The following SYNJ2BP variants were observed in gnomAD, a reference collection of about 807,000 sequenced individuals.
SYNJ2BP encodes the protein synaptojanin 2 binding protein.
In SYNJ2BP, 10 loss-of-function variants were observed where a neutral mutation model predicts 16.9. That is an observed-to-expected ratio of 0.59 (90% confidence interval 0.36 to 1.00). SYNJ2BP has a LOEUF of 1.00. SYNJ2BP is among the 50% of genes least tolerant of loss of function. The pLI, the probability that SYNJ2BP is intolerant of heterozygous loss-of-function variation, is 0.01. For synonymous variants in SYNJ2BP, 54 were observed against 68.4 expected, an observed-to-expected ratio of 0.79 and a Z score of 1.04; for missense variants, 162 against 186.7, an observed-to-expected ratio of 0.87 and a Z score of 0.77.
chr14:70,368,822 A>G lies in SYNJ2BP; in HGVS notation c.*4169T>C, dbSNP rs985418291. ...TTTTCAACTGCGGCTGCACACCAGA[A>G]TCACTCAATGAACTTTATTTTACTG... On this transcript the variant is annotated 3_prime_UTR_variant, in exon 4 of 4. Transcript: ENST00000256366. 9 of 152,310 alleles carry G rather than the reference A, an allele frequency of 5.9e-5. No homozygotes were observed. The South Asian group carries it at 1.9e-3, about 32-fold the overall frequency. The allele number at this position is 152,310 out of a possible 1,614,324, so 9.4% of individuals were successfully genotyped here. A position where few individuals can be genotyped will look rare whatever the true frequency, so the allele number is the denominator to read the frequency against.
At position 70,369,227 on chromosome 14, in the gene SYNJ2BP, C is replaced by T. The variant is rs1057171666; in HGVS notation, c.*3764G>A. On this transcript the variant is annotated 3_prime_UTR_variant, in exon 4 of 4. Transcript: ENST00000256366. ...GTCTCCTGGGCTCAAGCAATCCTCC[C>T]GTGTAGCTGGGCCTACAGGAATGCA... The T allele has an allele frequency of 3.9e-5, 6 of 152,184 alleles. No individual in the cohort carries two copies. Among genetic ancestry groups the T allele is most frequent in the African/African-American group, 1.4e-4 (6 of 41,428 alleles). The allele number at this position is 152,184 out of a possible 1,614,324, so 9.4% of individuals were successfully genotyped here.
intron 2 of SYNJ2BP, 61 bp from the exon 3 acceptor site, chr14:70,375,832 T>G (rs564991561): frequency 2.1e-4 from 329 of 1,594,388 alleles, no homozygotes; most frequent in Admixed American, 5.5e-4. Context: ...AACAATTTAT[T>G]TTCAAATGGC....
At position 70,386,361 on chromosome 14, in the gene SYNJ2BP, C is replaced by T. The variant is rs78471344; in HGVS notation, c.201+2109G>A. Among the ~76,000 whole-genome samples the T allele has an allele frequency of 7.9e-3, 1,208 of 152,270 alleles. 22 individuals are homozygous for T. Among genetic ancestry groups the T allele is most frequent in the African/African-American group, 0.027 (1,133 of 41,544 alleles). The stretch of plus-strand genomic sequence containing the variant: ...CATCTCACTGATTAATAAACAGGGT[C>T]TAGGAGAAGCTTAATGGACTGAAGA... On this transcript the variant is annotated intron_variant, in intron 2 of 3. Transcript: ENST00000256366.
At chr14:70,376,678 G>T (rs1401235688) in intron 2 of SYNJ2BP, among the ~76,000 whole-genome samples, 1 of 152,202 alleles carries the variant, frequency 6.6e-6, no homozygotes, top group African/African-American at 2.4e-5. Context: ...ATAACCCTAT[G>T]AGGTAGACAT....
At chr14:70,402,067 C>T (rs757732799) in intron 1 of SYNJ2BP, among the ~76,000 whole-genome samples, 30 of 152,180 alleles carry the variant, frequency 2.0e-4, no homozygotes, top group Non-Finnish European at 4.0e-4. Flanking sequence ...GCTGAAAAAA[C>T]ACACCATTCA....
intron 1 of SYNJ2BP, among the ~76,000 whole-genome samples, chr14:70,416,195 G>A (rs1056513063): frequency 6.6e-6 from 1 of 152,036 alleles, no homozygotes; most frequent in Non-Finnish European, 1.5e-5. Flanking sequence ...GGGGGAAGAG[G>A]ATAGCAGTTT....
At position 70,371,805 on chromosome 14, in the gene SYNJ2BP, C is replaced by T. The variant is rs1887523903; in HGVS notation, c.*1186G>A. ...TTCCCTCAGGTTTGTTAGTAGAAAC[C>T]AAAAAGTAGCCTGAGAGGGTTCAGG... On this transcript the variant is annotated 3_prime_UTR_variant, in exon 4 of 4. Coordinates refer to ENST00000256366, the MANE Select transcript of SYNJ2BP (RefSeq NM_018373.3). The T allele has an allele frequency of 6.6e-6, 1 of 152,166 alleles. No individual in the cohort carries two copies. The highest frequency in any genetic ancestry group is 1.5e-5 in the Non-Finnish European group (1 of 68,026). The allele number at this position is 152,166 out of a possible 1,614,324, so 9.4% of individuals were successfully genotyped here. A position where few individuals can be genotyped will look rare whatever the true frequency, so the allele number is the denominator to read the frequency against.
intron 1 of SYNJ2BP, among the ~76,000 whole-genome samples, chr14:70,390,519 T>C (rs992931149): frequency 1.3e-5 from 2 of 151,784 alleles, no homozygotes; most frequent in Admixed American, 1.3e-4. Flanking sequence ...ATACAAAAAA[T>C]CACCTGGGCA....
intron 1 of SYNJ2BP, among the ~76,000 whole-genome samples, chr14:70,399,499 G>T (rs1888186044): frequency 6.6e-6 from 1 of 152,220 alleles, no homozygotes; most frequent in Non-Finnish European, 1.5e-5. Context: ...CCGGACCTGG[G>T]GATGGGTCCT....
At chr14:70,396,929 T>C (rs61977554) in intron 1 of SYNJ2BP, among the ~76,000 whole-genome samples, 8,145 of 152,318 alleles carry the variant, frequency 0.053, 278 homozygotes, top group Middle Eastern at 0.11. Flanking sequence ...TCTCCCATTC[T>C]GTGGGCTATC....
chr14:70,416,861 T>C (rs1888622629), intron 1 of SYNJ2BP, 39 bp downstream of exon 1: 1 of 1,613,914 alleles, frequency 6.2e-7, no homozygotes, highest in Non-Finnish European at 8.5e-7. Flanking sequence ...TTACACCCTC[T>C]AATCCCCTAC....
chr14:70,395,016 T>C (rs563456279), intron 1 of SYNJ2BP, among the ~76,000 whole-genome samples: 2 of 152,322 alleles, frequency 1.3e-5, no homozygotes, highest in South Asian at 2.1e-4. Context: ...ATAAACTGCT[T>C]TAAGAAAAAA....
intron 1 of SYNJ2BP, among the ~76,000 whole-genome samples, chr14:70,399,420 C>T (rs1333554435): frequency 6.6e-6 from 1 of 152,222 alleles, no homozygotes; most frequent in African/African-American, 2.4e-5. Flanking sequence ...GCCTCCTCCC[C>T]ACACTCTCCC....
intron 2 of SYNJ2BP, among the ~76,000 whole-genome samples, chr14:70,383,414 T>C (rs2140825067): frequency 6.6e-6 from 1 of 152,306 alleles, no homozygotes; most frequent in South Asian, 2.1e-4. Flanking sequence ...TTAAGTACAA[T>C]AGTTGATAAA....
chr14:70,404,220 T>C (rs573662258), intron 1 of SYNJ2BP, among the ~76,000 whole-genome samples: 49 of 151,728 alleles, frequency 3.2e-4, no homozygotes, highest in South Asian at 4.2e-4. Context: ...ACTGTAGGCC[T>C]GGAGTGAGCC....
rs1022628699 is a variant in SYNJ2BP at position 70,382,737 on chromosome 14, A to C, written c.201+5733T>G. Among the ~76,000 whole-genome samples the C allele has an allele frequency of 2.6e-4, 39 of 152,348 alleles. 1 individual carries two copies. The highest frequency in any genetic ancestry group is 1.6e-3 in the Admixed American group (25 of 15,298). ...TGCTAGAAAATTTCGCTGACTCTGA[A>C]GTTTCAGAGAATGAGCATGGTGTTG... On this transcript the variant is annotated intron_variant, in intron 2 of 3. Coordinates refer to ENST00000256366, the MANE Select transcript of SYNJ2BP (RefSeq NM_018373.3).
intron 1 of SYNJ2BP, among the ~76,000 whole-genome samples, chr14:70,391,834 C>T (rs967596535): frequency 1.3e-5 from 2 of 152,154 alleles, no homozygotes; most frequent in African/African-American, 2.4e-5. Context: ...ATTTATAACC[C>T]GTTGCTACTT....
At chr14:70,380,655 C>CT (rs1887728568) in intron 2 of SYNJ2BP, among the ~76,000 whole-genome samples, 1 of 76,018 alleles carries the variant, frequency 1.3e-5, no homozygotes, top group Admixed American at 1.4e-4. Context: ...GAGCAAGACT[C>CT]TGTCTCAAAA....
At chr14:70,410,628 T>C (rs1888451965) in intron 1 of SYNJ2BP, among the ~76,000 whole-genome samples, 2 of 152,006 alleles carry the variant, frequency 1.3e-5, no homozygotes, top group African/African-American at 4.8e-5. Flanking sequence ...TGCCCATCAA[T>C]GGTAGACTGG....
Sources: allele counts gnomAD v4.1 joint callset (sites outside exome capture counted in the v4.1 genomes callset), GRCh38; gene constraint gnomAD v4.1.1; transcripts MANE v1.5; gene names NCBI Gene and HGNC (gene_info 2026-07-23, HGNC 2026-07-21).